Variants in MIB1 observed in about 807,000 individuals in gnomAD.
MIB1 encodes MIB E3 ubiquitin protein ligase 1, also known as E3 ubiquitin-protein ligase MIB1.
Under a neutral mutation model 124.5 loss-of-function variants are expected in MIB1, and 278 were observed. The ratio of observed to expected loss-of-function variants is 2.23; its 90% CI spans 2.02 to 2.47. The LOEUF is 2.47. Ranked by LOEUF, MIB1 falls within the 30% of genes most tolerant of loss-of-function variation. MIB1 has a pLI of 0.00. For synonymous variants in MIB1, 446 were observed against 429.4 expected, an observed-to-expected ratio of 1.04 and a Z score of -0.48; for missense variants, 957 against 1,254.4, an observed-to-expected ratio of 0.76 and a Z score of 3.58.
In MIB1 at chr18:21,853,960, A is replaced by G. The variant is rs1008774811; in HGVS notation, c.2665+742A>G. Among the ~76,000 whole-genome samples the G allele has an allele frequency of 5.9e-5, 8 of 135,016 alleles. No individual in the cohort carries two copies. In the Admixed American group the frequency reaches 6.3e-4, roughly 11 times the overall value. The allele number at this position is 135,016 out of a possible 152,430, so 88.6% of individuals were successfully genotyped here. On this transcript the variant is annotated intron_variant, in intron 18 of 20. Transcript: ENST00000261537. ...GCTCACTGCAACCTCTGCCTTCCCA[A>G]TTCAAGTGATTCTCGTGTCCTCCGC...
chr18:21,819,351 T>G, intron 11 of MIB1, 144 bp from the exon 12 acceptor site: 1 of 552,372 alleles, frequency 1.8e-6, no homozygotes, highest in East Asian at 3.0e-5. Context: ...TGCCTATATT[T>G]TTGTAGTTAT....
intron 1 of MIB1, among the ~76,000 whole-genome samples, chr18:21,744,664 G>A (rs1327471777): frequency 6.6e-6 from 1 of 152,128 alleles, no homozygotes; most frequent in African/African-American, 2.4e-5. Context: ...CTCAAATTGG[G>A]TGTTTCTGCT....
chr18:21,793,993 G>A (rs1568204433), intron 7 of MIB1: 1 of 105,016 alleles, frequency 9.5e-6, no homozygotes, highest in Non-Finnish European at 1.7e-5. Flanking sequence ...CACTAAGTTC[G>A]GCAAGGATGT....
intron 1 of MIB1, among the ~76,000 whole-genome samples, chr18:21,745,003 A>G (rs1598588357): frequency 1.3e-5 from 2 of 152,246 alleles, no homozygotes; most frequent in South Asian, 2.1e-4. Context: ...GAGAATCTCT[A>G]TTTGAGCACA....
In MIB1 at chr18:21,864,787, A is replaced by G. The variant is rs2042308079; in HGVS notation, c.*121A>G. The G allele has an allele frequency of 3.0e-6, 2 of 667,528 alleles. No individual in the cohort carries two copies. The highest frequency in any genetic ancestry group is 4.8e-6 in the Non-Finnish European group (2 of 416,754). 41.4% of individuals were successfully genotyped at this position (667,528 alleles called of 1,614,324 possible). ...AATATCATAGTTTCTTTACTAGAGT[A>G]TAATTGGGCTGTAAATGTACCAGAA... On this transcript the variant is annotated 3_prime_UTR_variant, in exon 21 of 21. Coordinates refer to ENST00000261537, the MANE Select transcript of MIB1 (RefSeq NM_020774.4).
intron 2 of MIB1, among the ~76,000 whole-genome samples, chr18:21,766,537 T>C (rs2041161283): frequency 6.6e-6 from 1 of 152,138 alleles, no homozygotes; most frequent in Admixed American, 6.6e-5. Context: ...TGGGATCTTC[T>C]CATGTAGATA....
rs748892692 is a variant in MIB1 at position 21,815,696 on chromosome 18, T to G, written c.1560T>G (p.Ser520Arg). The change falls in exon 11 of 21, where the codon AGT becomes AGG. Residue 520 changes from serine to arginine, a missense_variant. Physicochemically the swap from Ser to Arg is moderately radical, Grantham distance 110. Coordinates refer to ENST00000261537, the MANE Select transcript of MIB1 (RefSeq NM_020774.4). The stretch of plus-strand genomic sequence containing the variant: ...TTATAGAAGTACTACATCGAGGTAG[T>G]GCTGATTTGAATGCTCGAAACAAGC... Reference protein sequence around the residue: ...GAVIEVLHRGSADLNARNKRR... With the variant: ...GAVIEVLHRGRADLNARNKRR... The G allele has an allele frequency of 5.6e-6, 9 of 1,614,182 alleles. No homozygotes were observed. The South Asian group carries it at 9.9e-5, about 18-fold the overall frequency.
Position 21,741,679 on chromosome 18 carries a change from C to G in MIB1, c.96C>G (p.Gly32=), listed in dbSNP as rs766918256. 1.9e-5 allele frequency: 30 copies of G among 1,610,892 alleles called. No individual in the cohort carries two copies. Among genetic ancestry groups the G allele is most frequent in the Non-Finnish European group, 2.2e-5 (26 of 1,179,276 alleles). ...GGAAGTGGGGGAAGCAGGACGGCGG[C>G]GAGGGCCATGTGGGCACCGTCCGGA... is the stretch of plus-strand genomic sequence containing the variant. ...PDWKWGKQDG[G]EGHVGTVRSF... is the part of the protein sequence containing the mutation. Residue 32 remains glycine, a synonymous_variant, in exon 1 of 21, where the codon GGC becomes GGG. Transcript: ENST00000261537. This position sits in a 1 kb window ranked among gnomAD's most constrained non-coding sequence, Gnocchi z 5.4.
intron 5 of MIB1, 134 bp from the exon 6 acceptor site, chr18:21,779,347 A>G (rs2041330526): frequency 2.9e-6 from 2 of 685,990 alleles, no homozygotes; most frequent in African/African-American, 3.6e-5. Flanking sequence ...TTATACTTAT[A>G]GGGAATTCTC....
chr18:21,744,097 G>GTTTT (rs768951212), intron 1 of MIB1, among the ~76,000 whole-genome samples: 3 of 121,244 alleles, frequency 2.5e-5, no homozygotes, highest in African/African-American at 6.3e-5. Flanking sequence ...ATTCTTCAGG[G>GTTTT]TTTTTTTTTT....
In MIB1 at chr18:21,854,596, C is replaced by CTT. The variant is rs34762697; in HGVS notation, c.2665+1401_2665+1402dup. On this transcript the variant is annotated intron_variant, in intron 18 of 20. Transcript: ENST00000261537. ...AGAATTTTTTACATGGCGTTTGCTC[C>CTT]TTTTTTTTTTTTTTTTTTTTTTTTA... 4.3e-3 allele frequency: 501 copies of CTT among 116,288 alleles called. 4 individuals carry two copies. The highest frequency in any genetic ancestry group is 0.015 in the African/African-American group (440 of 29,866). The allele number at this position is 116,288 out of a possible 1,614,324, so 7.2% of individuals were successfully genotyped here. A position where few individuals can be genotyped will look rare whatever the true frequency, so the allele number is the denominator to read the frequency against.
chr18:21,713,222 G>T (rs1292081124), intron 1 of MIB1, among the ~76,000 whole-genome samples: 1 of 139,734 alleles, frequency 7.2e-6, no homozygotes, highest in African/African-American at 2.8e-5. Context: ...CCCCATCTCA[G>T]ACTCCCAAAG....
At chr18:21,845,725 G>A (rs890345964) in intron 15 of MIB1, among the ~76,000 whole-genome samples, 7 of 152,076 alleles carry the variant, frequency 4.6e-5, no homozygotes, top group African/African-American at 9.6e-5. Flanking sequence ...CTGGGGTCAC[G>A]CGATTCTCCT....
At chr18:21,860,125 T>TA (rs1555697063) in intron 20 of MIB1, among the ~76,000 whole-genome samples, 4 of 107,334 alleles carry the variant, frequency 3.7e-5, no homozygotes, top group Middle Eastern at 5.3e-3. Context: ...TTTTTTTTTT[T>TA]AGAGTCTCAC....
At chr18:21,836,368 C>A (rs1394531138) in intron 12 of MIB1, among the ~76,000 whole-genome samples, 2 of 150,862 alleles carry the variant, frequency 1.3e-5, no homozygotes, top group Non-Finnish European at 2.9e-5. Flanking sequence ...CCACCTCCTG[C>A]GTTCACGCCA....
intron 17 of MIB1, 40 bp downstream of exon 17, chr18:21,849,428 G>A: frequency 1.7e-6 from 2 of 1,211,952 alleles, no homozygotes; most frequent in African/African-American, 1.6e-5. Context: ...ATTTTATGAA[G>A]TTGAGACTAG....
chr18:21,778,441 A>C (rs1367191170), intron 5 of MIB1, among the ~76,000 whole-genome samples: 1 of 152,122 alleles, frequency 6.6e-6, no homozygotes, highest in South Asian at 2.1e-4. Context: ...TTGTTGAAAA[A>C]TTTTGCATTA....
At chr18:21,747,353 A>T (rs1344509458) in intron 1 of MIB1, among the ~76,000 whole-genome samples, 3 of 152,214 alleles carry the variant, frequency 2.0e-5, no homozygotes, top group Non-Finnish European at 4.4e-5. Flanking sequence ...CTTAAAGCAC[A>T]CAGATCACCT....
intron 10 of MIB1, among the ~76,000 whole-genome samples, chr18:21,804,447 T>C (rs62090816): frequency 9.9e-5 from 15 of 152,256 alleles, no homozygotes; most frequent in Non-Finnish European, 1.9e-4. Flanking sequence ...TTGACCTTAA[T>C]GTGAATATTT....
Sources: gnomAD v4.1 joint callset for allele counts (sites outside exome capture counted in the v4.1 genomes callset) on GRCh38, gnomAD v4.1.1 for gene constraint, Gnocchi (gnomAD v3.1) non-coding constraint, MANE v1.5 for transcripts, NCBI Gene and HGNC (gene_info 2026-07-23, HGNC 2026-07-21) for gene names.